The following EGFR variants were observed in gnomAD, a reference collection of about 807,000 sequenced individuals.
The protein encoded by EGFR is avian erythroblastic leukemia viral (v-erb-b) oncogene homolog.
EGFR carries 58 observed loss-of-function variants against 143.0 expected under a neutral mutation model. That is an observed-to-expected ratio of 0.41 (90% CI 0.33 to 0.50). EGFR has a LOEUF of 0.50. EGFR is among the 20% of genes least tolerant of loss of function. EGFR has a pLI of 0.39. For synonymous variants in EGFR, 613 were observed against 594.4 expected (o/e 1.03, Z -0.45); for missense variants, 1,307 against 1,579.0 (o/e 0.83, Z 2.92).
intron 22 of EGFR, among the ~76,000 whole-genome samples, chr7:55,195,005 C>T (rs996135269): frequency 6.6e-6 from 1 of 152,218 alleles, no homozygotes; most frequent in African/African-American, 2.4e-5. Flanking sequence ...GAACTCGCAA[C>T]ACCTTCCAGC....
intron 1 of EGFR, among the ~76,000 whole-genome samples, chr7:55,050,165 T>C (rs1788406425): frequency 6.6e-6 from 1 of 152,222 alleles, no homozygotes. Flanking sequence ...CGTTGTTCTA[T>C]AGCCATAAAC....
chr7:55,205,586 C>A lies in EGFR; in HGVS notation c.3602C>A (p.Ala1201Glu), dbSNP rs201717672. ...TAENAEYLRV[A>E]PQSSEFIGA ...GAAAATGCAGAATACCTAAGGGTCG[C>A]GCCACAAAGCAGTGAATTTATTGGA... is the stretch of plus-strand genomic sequence containing the variant. The change falls in exon 28 of 28, where the codon GCG becomes GAG. Residue 1201 changes from alanine (A) to glutamate (E), a missense_variant. Around this residue, in one of 7 missense-constraint regions of EGFR, gnomAD observed 313 missense variants for 312.3 expected, o/e 1.00. Coordinates refer to ENST00000275493, the MANE Select transcript of EGFR (RefSeq NM_005228.5). The A allele has an allele frequency of 1.1e-5, 18 of 1,614,010 alleles. No individual in the cohort carries two copies. Among genetic ancestry groups the A allele is most frequent in the African/African-American group, 2.7e-5 (2 of 74,890 alleles).
intron 1 of EGFR, among the ~76,000 whole-genome samples, chr7:55,124,947 C>T (rs1031110577): frequency 1.1e-4 from 16 of 152,362 alleles, no homozygotes; most frequent in African/African-American, 3.8e-4. Context: ...CCATTGTGCC[C>T]CTTCACCCTG....
chr7:55,111,642 G>T (rs1368621552), intron 1 of EGFR, among the ~76,000 whole-genome samples: 1 of 152,192 alleles, frequency 6.6e-6, no homozygotes, highest in Non-Finnish European at 1.5e-5. Flanking sequence ...GCTCGGGAGT[G>T]AGTGGGCTCA....
intron 10 of EGFR, 106 bp from the exon 11 acceptor site, chr7:55,157,557 C>T: frequency 1.1e-6 from 1 of 933,004 alleles, no homozygotes; most frequent in Non-Finnish European, 1.7e-6. Context: ...AATTTTCCCA[C>T]TTACTGTTCA....
At chr7:55,034,297 G>A (rs933448388) in intron 1 of EGFR, among the ~76,000 whole-genome samples, 12 of 152,090 alleles carry the variant, frequency 7.9e-5, no homozygotes, top group Admixed American at 3.3e-4. Context: ...GCAGTGGCCC[G>A]ACCTCGGCTC....
chr7:55,201,051 G>T (rs2128971208), intron 24 of EGFR, 137 bp from the exon 25 acceptor site: 1 of 1,076,278 alleles, frequency 9.3e-7, no homozygotes. Flanking sequence ...ATAATTTAGA[G>T]AACCAAGGGG....
At chr7:55,202,989 T>C in intron 27 of EGFR, 1 of 529,206 alleles carries the variant, frequency 1.9e-6, no homozygotes, top group Non-Finnish European at 3.3e-6. Flanking sequence ...ATCCCTGTTC[T>C]CTCTGCTGGC....
At chr7:55,122,163 CA>C (rs769502192) in intron 1 of EGFR, among the ~76,000 whole-genome samples, 77 of 152,320 alleles carry the variant, frequency 5.1e-4, no homozygotes, top group Non-Finnish European at 4.3e-4. Flanking sequence ...GTCTTCGGGC[CA>C]CATTTCTCTC....
Position 55,172,735 on chromosome 7 carries a change from A to G in EGFR, c.1920-248A>G, listed in dbSNP as rs41407249. The G allele has an allele frequency of 3.8e-3, 3,677 of 973,788 alleles. 102 individuals carry two copies. The African/African-American group carries it at 0.052, about 14-fold the overall frequency. The allele number at this position is 973,788 out of a possible 1,614,324, so 60.3% of individuals were successfully genotyped here. A position where few individuals can be genotyped will look rare whatever the true frequency, so the allele number is the denominator to read the frequency against. On this transcript the variant is annotated intron_variant, in intron 16 of 27. Coordinates refer to ENST00000275493, the MANE Select transcript of EGFR (RefSeq NM_005228.5). ...AAATACTCATTATATGGAGAGGTCC[A>G]GATAAAGCCTCAATTTTAAAAAATG...
intron 1 of EGFR, among the ~76,000 whole-genome samples, chr7:55,020,403 G>C (rs1282713976): frequency 6.6e-6 from 1 of 152,212 alleles, no homozygotes; most frequent in Non-Finnish European, 1.5e-5. Flanking sequence ...ACTCTTGAGC[G>C]GAAGCCCCGG....
chr7:55,209,755 T>G lies in EGFR; in HGVS notation c.*4138T>G, dbSNP rs1389422679. ...AAATGTAAATCTATTTTTGTAACTT[T>G]GTTGCGGGATATAGTTCTCTTTATG... On this transcript the variant is annotated 3_prime_UTR_variant, in exon 28 of 28. Transcript: ENST00000275493. 6.6e-6 allele frequency: 1 copy of G among 152,238 alleles called. No homozygotes were observed. Among genetic ancestry groups the G allele is most frequent in the Non-Finnish European group, 1.5e-5 (1 of 68,052 alleles). The allele number at this position is 152,238 out of a possible 1,614,324, so 9.4% of individuals were successfully genotyped here.
At chr7:55,076,052 A>G (rs1415584250) in intron 1 of EGFR, among the ~76,000 whole-genome samples, 1 of 152,144 alleles carries the variant, frequency 6.6e-6, no homozygotes, top group Non-Finnish European at 1.5e-5. Context: ...TCCATTAGTA[A>G]TTTGTTATAA....
At chr7:55,195,274 G>A (rs17518446) in intron 22 of EGFR, among the ~76,000 whole-genome samples, 14,009 of 152,242 alleles carry the variant, frequency 0.092, 873 homozygotes, top group Non-Finnish European at 0.13. Context: ...CCAATGTTAA[G>A]CTTGTATTCT....
intron 1 of EGFR, among the ~76,000 whole-genome samples, chr7:55,092,189 G>A (rs960581308): frequency 2.0e-5 from 3 of 152,080 alleles, no homozygotes; most frequent in African/African-American, 7.2e-5. Flanking sequence ...CAGGCTCTGC[G>A]GCACAATATT....
chr7:55,152,184 G>A (rs934681887), intron 5 of EGFR, among the ~76,000 whole-genome samples: 3 of 152,086 alleles, frequency 2.0e-5, no homozygotes, highest in Non-Finnish European at 2.9e-5. Context: ...GCTCAAAAAC[G>A]GACACTATGT....
intron 1 of EGFR, among the ~76,000 whole-genome samples, chr7:55,131,541 GC>G (rs1261999001): frequency 2.0e-5 from 3 of 152,296 alleles, no homozygotes; most frequent in South Asian, 4.1e-4. Flanking sequence ...GCAGCACCAT[GC>G]GAGCTTAGAC....
chr7:55,096,962 C>CT (rs1791512827), intron 1 of EGFR, among the ~76,000 whole-genome samples: 1 of 152,136 alleles, frequency 6.6e-6, no homozygotes, highest in Non-Finnish European at 1.5e-5. Context: ...TCCTTACCCC[C>CT]CCAGCTCCTC....
chr7:55,082,654 G>A (rs534120029), intron 1 of EGFR, among the ~76,000 whole-genome samples: 5 of 152,186 alleles, frequency 3.3e-5, no homozygotes, highest in South Asian at 4.2e-4. Flanking sequence ...TAGACCACTC[G>A]TCCCTGTGGC....
Sources: allele counts gnomAD v4.1 joint callset (sites outside exome capture counted in the v4.1 genomes callset), GRCh38; gene constraint gnomAD v4.1.1; regional missense constraint gnomAD v4.1.1; transcripts MANE v1.5; gene names NCBI Gene and HGNC (gene_info 2026-07-23, HGNC 2026-07-21).